Variants in TAF4B observed in about 807,000 individuals in gnomAD.
TAF4B encodes transcription initiation factor TFIID subunit 4B.
Under a neutral mutation model 86.4 loss-of-function variants are expected in TAF4B, and 38 were observed. The observed-to-expected ratio is 0.44, with a 90% CI of 0.34 to 0.58. The LOEUF (loss-of-function observed/expected upper bound fraction) is 0.58, where lower values mean the gene tolerates loss of function less well. Ranked by LOEUF, TAF4B falls within the 20% of genes least tolerant of loss-of-function variation. TAF4B has a pLI of 0.02. For synonymous variants in TAF4B, 388 were observed against 391.2 expected (o/e 0.99, Z 0.10); for missense variants, 988 against 1,027.6 (o/e 0.96, Z 0.53).
chr18:26,388,679 C>A (rs1978522993), intron 14 of TAF4B, among the ~76,000 whole-genome samples: 1 of 152,068 alleles, frequency 6.6e-6, no homozygotes, highest in South Asian at 2.1e-4. Context: ...CATGTGGCTG[C>A]AGTTAAGATG....
At chr18:26,295,559 C>G (rs577858750) in intron 9 of TAF4B, among the ~76,000 whole-genome samples, 1 of 152,306 alleles carries the variant, frequency 6.6e-6, no homozygotes, top group African/African-American at 2.4e-5. Flanking sequence ...GGAGCTCAGG[C>G]AGTAATGCTC....
chr18:26,226,880 C>A lies in TAF4B; in HGVS notation c.-54C>A, dbSNP rs1006652468. ...TCGGCTGCCGCGCGCCAAGCCTCCC[C>A]TCACCTCTGCTCCCGGAACCGCAGC... On this transcript the variant is annotated 5_prime_UTR_variant, in exon 1 of 15. Coordinates refer to ENST00000269142, the MANE Select transcript of TAF4B (RefSeq NM_005640.3). The A allele has an allele frequency of 7.6e-7, 1 of 1,315,400 alleles. No individual in the cohort carries two copies. The highest frequency in any genetic ancestry group is 9.7e-7 in the Non-Finnish European group (1 of 1,031,228). 81.5% of individuals were successfully genotyped at this position (1,315,400 alleles called of 1,614,324 possible). A position where few individuals can be genotyped will look rare whatever the true frequency, so the allele number is the denominator to read the frequency against.
chr18:26,361,500 C>T (rs2057329935), intron 14 of TAF4B, among the ~76,000 whole-genome samples: 2 of 151,572 alleles, frequency 1.3e-5, no homozygotes, highest in South Asian at 2.1e-4. Context: ...AATCCCAGCA[C>T]ATTGGGAGGC....
chr18:26,309,062 G>C (rs1167788129), intron 9 of TAF4B, among the ~76,000 whole-genome samples: 2 of 151,686 alleles, frequency 1.3e-5, no homozygotes, highest in Middle Eastern at 3.2e-3. Flanking sequence ...ATCTAATCTA[G>C]AATAAAATCT....
In TAF4B at chr18:26,244,579, T is replaced by C. The variant is rs901115560; in HGVS notation, c.343+17303T>C. Among the ~76,000 whole-genome samples, 5 of 152,224 alleles carry C rather than the reference T, an allele frequency of 3.3e-5. No homozygotes were observed. In the East Asian group the frequency reaches 5.8e-4, roughly 18 times the overall value. On this transcript the variant is annotated intron_variant, in intron 1 of 14. Coordinates refer to ENST00000269142, the MANE Select transcript of TAF4B (RefSeq NM_005640.3). ...CTCACACTCCGTGGGCTGCACCCAC[T>C]GTCCAACAAGTCCCAGTTAGATGAA... is the stretch of plus-strand genomic sequence containing the variant.
chr18:26,300,420 A>G (rs753713512), intron 9 of TAF4B, among the ~76,000 whole-genome samples: 3 of 148,348 alleles, frequency 2.0e-5, no homozygotes, highest in African/African-American at 7.4e-5. Flanking sequence ...AATCCTATCA[A>G]TTTCTCCCTA....
chr18:26,342,740 A>G (rs1382861611), intron 13 of TAF4B, among the ~76,000 whole-genome samples: 1 of 152,174 alleles, frequency 6.6e-6, no homozygotes, highest in Admixed American at 6.5e-5. Context: ...TCTACTTCCT[A>G]TCATAGAGAC....
At chr18:26,360,673 A>G (rs1165628259) in intron 14 of TAF4B, among the ~76,000 whole-genome samples, 1 of 152,174 alleles carries the variant, frequency 6.6e-6, no homozygotes, top group Non-Finnish European at 1.5e-5. Context: ...GTCCTCTCTC[A>G]TTCTCCCTTA....
chr18:26,300,321 T>TATTATC (rs1178601992), intron 9 of TAF4B, among the ~76,000 whole-genome samples: 2 of 149,026 alleles, frequency 1.3e-5, no homozygotes, highest in East Asian at 3.9e-4. Flanking sequence ...TTATTATTAT[T>TATTATC]ATTATTATTA....
intron 1 of TAF4B, among the ~76,000 whole-genome samples, chr18:26,259,448 G>A (rs1213779422): frequency 7.4e-6 from 1 of 135,798 alleles, no homozygotes; most frequent in East Asian, 2.3e-4. Context: ...CCCACCCCGC[G>A]ACAGGCCCCA....
At chr18:26,328,952 C>T (rs1048417479) in intron 12 of TAF4B, among the ~76,000 whole-genome samples, 2 of 151,858 alleles carry the variant, frequency 1.3e-5, no homozygotes, top group Non-Finnish European at 2.9e-5. Context: ...TCTACACATA[C>T]AATCATTAAT....
intron 14 of TAF4B, among the ~76,000 whole-genome samples, chr18:26,389,497 A>T (rs1264161010): frequency 6.6e-6 from 1 of 152,224 alleles, no homozygotes; most frequent in African/African-American, 2.4e-5. Context: ...AGTGATAAAC[A>T]AGTCTTTCAC....
chr18:26,239,222 C>T (rs143247694), intron 1 of TAF4B, among the ~76,000 whole-genome samples: 1 of 152,106 alleles, frequency 6.6e-6, no homozygotes, highest in Non-Finnish European at 1.5e-5. Flanking sequence ...TAAAAGTGTT[C>T]CTATTTCTCC....
chr18:26,381,945 TTC>T (rs953032340), intron 14 of TAF4B, among the ~76,000 whole-genome samples: 24 of 124,986 alleles, frequency 1.9e-4, no homozygotes, highest in African/African-American at 6.4e-4. Flanking sequence ...TTCTAATGGT[TTC>T]TCTTTTTTTC....
At chr18:26,333,725 C>T (rs924845307) in intron 12 of TAF4B, among the ~76,000 whole-genome samples, 9 of 152,070 alleles carry the variant, frequency 5.9e-5, no homozygotes, top group South Asian at 4.2e-4. Flanking sequence ...ACAGTGTCAG[C>T]AATTATTTGT....
At chr18:26,278,127 A>G (rs72880135) in intron 5 of TAF4B, among the ~76,000 whole-genome samples, 6,055 of 152,248 alleles carry the variant, frequency 0.04, 174 homozygotes, top group Non-Finnish European at 0.06. Context: ...TAGCGACTCA[A>G]TTACAGTGCT....
intron 10 of TAF4B, 22 bp downstream of exon 10, chr18:26,315,420 T>C: frequency 1.3e-6 from 2 of 1,570,464 alleles, no homozygotes; most frequent in South Asian, 1.2e-5. Context: ...GTTATGATTA[T>C]TGACCTGATA....
chr18:26,362,246 C>T (rs751422075), intron 14 of TAF4B, among the ~76,000 whole-genome samples: 2 of 152,114 alleles, frequency 1.3e-5, no homozygotes, highest in Non-Finnish European at 2.9e-5. Context: ...GGCATATTGC[C>T]TGTCTTATGT....
chr18:26,249,986 G>A (rs1333537006), intron 1 of TAF4B, among the ~76,000 whole-genome samples: 2 of 152,144 alleles, frequency 1.3e-5, no homozygotes, highest in African/African-American at 4.8e-5. Flanking sequence ...GTCTCCCAAA[G>A]TGCTGGAATT....
Sources: gnomAD v4.1 joint callset for allele counts (sites outside exome capture counted in the v4.1 genomes callset) on GRCh38, gnomAD v4.1.1 for gene constraint, MANE v1.5 for transcripts, NCBI Gene and HGNC (gene_info 2026-07-23, HGNC 2026-07-21) for gene names.